The following TMPRSS4 variants were observed in gnomAD, a reference collection of about 807,000 sequenced individuals.
TMPRSS4 encodes transmembrane serine protease 4.
TMPRSS4 carries 45 observed loss-of-function variants against 56.4 expected under a neutral mutation model. The observed-to-expected ratio is 0.80, with a 90% confidence interval of 0.63 to 1.02. The LOEUF is 1.02. Among genes scored for constraint, TMPRSS4 ranks in the 50% least tolerant of loss-of-function variants. TMPRSS4 has a pLI of 0.00. For synonymous variants in TMPRSS4, 205 were observed against 211.0 expected, an observed-to-expected ratio of 0.97 and a Z score of 0.25; for missense variants, 546 against 556.7, an observed-to-expected ratio of 0.98 and a Z score of 0.19.
downstream of TMPRSS4, chr11:118,125,476 G>A: frequency 2.5e-6 from 1 of 392,504 alleles, no homozygotes; most frequent in Non-Finnish European, 5.2e-6. Flanking sequence ...CCCTGGGATT[G>A]AACCCCCAAA....
intron 1 of TMPRSS4, among the ~76,000 whole-genome samples, chr11:118,088,502 TCA>T (rs1056285539): frequency 6.6e-5 from 10 of 152,178 alleles, no homozygotes; most frequent in South Asian, 2.1e-4. Context: ...CCTCCCCACC[TCA>T]CCCGCTACCT....
At position 118,115,465 on chromosome 11, in the gene TMPRSS4, G is replaced by A. The variant is rs1016019913; in HGVS notation, c.1152+185G>A. On this transcript the variant is annotated intron_variant, in intron 11 of 12. Coordinates refer to ENST00000437212, the MANE Select transcript of TMPRSS4 (RefSeq NM_019894.4). The stretch of plus-strand genomic sequence containing the variant: ...CAGATAAAAGTGTACCAATAGATGA[G>A]TGGGTGGATGGATGGATGCAGACAA... 1.8e-5 allele frequency: 12 copies of A among 649,300 alleles called. No individual in the cohort carries two copies. The East Asian group carries it at 3.3e-4, about 18-fold the overall frequency. 40.2% of individuals were successfully genotyped at this position (649,300 alleles called of 1,614,324 possible). A position where few individuals can be genotyped will look rare whatever the true frequency, so the allele number is the denominator to read the frequency against.
At position 118,111,900 on chromosome 11, in the gene TMPRSS4, G is replaced by A. The variant is rs758050812; in HGVS notation, c.743G>A (p.Arg248Lys). 22 of 1,607,252 alleles carry A rather than the reference G, an allele frequency of 1.4e-5. No individual in the cohort carries two copies. The highest frequency in any genetic ancestry group is 1.7e-5 in the Non-Finnish European group (20 of 1,177,214). ...GTCCTCACGGCAGCCCACTGCTTCA[G>A]GTAAGACCCCAGCTGTAAGGAGGTC... is the stretch of plus-strand genomic sequence containing the variant. Reference protein sequence around the residue: ...HWVLTAAHCFRKHTDVFNWKV... With the variant: ...HWVLTAAHCFKKHTDVFNWKV... The change falls in exon 8 of 13, where the codon AGG becomes AAG. Residue 248 changes from arginine (R) to lysine (K), a missense_variant and splice_region_variant. Coordinates refer to ENST00000437212, the MANE Select transcript of TMPRSS4 (RefSeq NM_019894.4).
intron 2 of TMPRSS4, among the ~76,000 whole-genome samples, chr11:118,097,529 G>A (rs936159294): frequency 6.6e-6 from 1 of 152,066 alleles, no homozygotes; most frequent in Non-Finnish European, 1.5e-5. Flanking sequence ...AGTCCCCATG[G>A]CACCTCCCCA....
chr11:118,122,321 G>T (rs1947812700), downstream of TMPRSS4, among the ~76,000 whole-genome samples: 1 of 152,120 alleles, frequency 6.6e-6, no homozygotes, highest in Non-Finnish European at 1.5e-5. Context: ...CATTAAAACT[G>T]AAAAAGTGGA....
chr11:118,107,085 G>C (rs1382856802), intron 5 of TMPRSS4: 2 of 152,178 alleles, frequency 1.3e-5, no homozygotes, highest in African/African-American at 4.8e-5. Context: ...TTTAGAAGAG[G>C]CAGATTCAGT....
intron 2 of TMPRSS4, 65 bp downstream of exon 2, chr11:118,094,920 C>A (rs71482127): frequency 3.8e-6 from 6 of 1,569,698 alleles, no homozygotes; most frequent in Non-Finnish European, 5.2e-6. Flanking sequence ...CAAGTAGATC[C>A]TAAGCCACTC....
intron 3 of TMPRSS4, among the ~76,000 whole-genome samples, chr11:118,101,562 C>A (rs544493060): frequency 1.3e-5 from 2 of 152,270 alleles, no homozygotes; most frequent in East Asian, 1.9e-4. Flanking sequence ...CAGCCTCAAA[C>A]TTCTAGGCTC....
intron 1 of TMPRSS4, among the ~76,000 whole-genome samples, chr11:118,085,068 G>GCTGAGCAGGTGGCGCAC (rs1945439033): frequency 6.6e-6 from 1 of 152,200 alleles, no homozygotes; most frequent in Admixed American, 6.5e-5. Context: ...TGTGCACGGT[G>GCTGAGCAGGTGGCGCAC]CTGAGCAGGT....
chr11:118,104,756 G>C lies in TMPRSS4; in HGVS notation c.376G>C (p.Ala126Pro). The C allele has an allele frequency of 6.2e-7, 1 of 1,614,132 alleles. No homozygotes were observed. Among genetic ancestry groups the C allele is most frequent in the South Asian group, 1.1e-5 (1 of 91,078 alleles). ...LDSATGNWFS[A>P]CFDNFTEALA... Reference sequence around the variant, plus strand: ...CTCGGCCACAGGGAACTGGTTCTCTGCCTGTTTCGACAACTTCACAGAAGC... The same window carrying C: ...CTCGGCCACAGGGAACTGGTTCTCTCCCTGTTTCGACAACTTCACAGAAGC... The change falls in exon 5 of 13, where the codon GCC becomes CCC. Residue 126 changes from alanine to proline, a missense_variant. Transcript: ENST00000437212.
intron 7 of TMPRSS4, among the ~76,000 whole-genome samples, chr11:118,109,878 G>A (rs1285317548): frequency 6.6e-6 from 1 of 152,226 alleles, no homozygotes; most frequent in Admixed American, 6.5e-5. Context: ...ACACGTGGTG[G>A]CTGGTCAATG....
intron 11 of TMPRSS4, among the ~76,000 whole-genome samples, chr11:118,116,778 ATC>A (rs1947578536): frequency 7.5e-6 from 1 of 132,546 alleles, no homozygotes; most frequent in South Asian, 2.6e-4. Context: ...AAGTGGTTTG[ATC>A]TCGGCTCACT....
chr11:118,111,992 T>A, intron 8 of TMPRSS4, 92 bp downstream of exon 8: 1 of 1,514,792 alleles, frequency 6.6e-7, no homozygotes, highest in Non-Finnish European at 8.8e-7. Context: ...CGTCCTTCTC[T>A]TCACTCTCCC....
chr11:118,098,759 C>A (rs981569199), intron 2 of TMPRSS4, among the ~76,000 whole-genome samples: 1 of 152,092 alleles, frequency 6.6e-6, no homozygotes, highest in African/African-American at 2.4e-5. Context: ...CTCCTTTGAG[C>A]GGCACTCAGG....
At chr11:118,090,305 A>G (rs148177144) in intron 1 of TMPRSS4, among the ~76,000 whole-genome samples, 1 of 152,162 alleles carries the variant, frequency 6.6e-6, no homozygotes, top group East Asian at 1.9e-4. Flanking sequence ...TTTTTTCAAT[A>G]CTCATTATGT....
downstream of TMPRSS4, among the ~76,000 whole-genome samples, chr11:118,124,586 C>T (rs535208170): frequency 5.1e-4 from 77 of 152,076 alleles, no homozygotes; most frequent in South Asian, 0.014. Context: ...AAAATAGACT[C>T]GAAAGCTGAT....
At chr11:118,110,085 G>A (rs1249011320) in intron 7 of TMPRSS4, among the ~76,000 whole-genome samples, 1 of 152,222 alleles carries the variant, frequency 6.6e-6, no homozygotes, top group Non-Finnish European at 1.5e-5. Context: ...GAGATTCCCA[G>A]GGACTGGGGG....
chr11:118,099,499 A>AAGAAAGAAAGAAAGACAGAC (rs1555085874), intron 3 of TMPRSS4, among the ~76,000 whole-genome samples: 1 of 151,686 alleles, frequency 6.6e-6, no homozygotes. Context: ...GAAAGAAAGA[A>AAGAAAGAAAGAAAGACAGAC]AGACATGTAT....
intron 1 of TMPRSS4, among the ~76,000 whole-genome samples, chr11:118,084,907 A>C (rs903245890): frequency 1.3e-5 from 2 of 152,322 alleles, no homozygotes; most frequent in South Asian, 4.1e-4. Context: ...CTCAGAGTTC[A>C]GGAGGAGCAG....
Sources: allele counts gnomAD v4.1 joint callset (sites outside exome capture counted in the v4.1 genomes callset), GRCh38; gene constraint gnomAD v4.1.1; transcripts MANE v1.5; gene names NCBI Gene and HGNC (gene_info 2026-07-23, HGNC 2026-07-21).